MAP4K4: variants seen among roughly 807,000 people sequenced by gnomAD.
The protein encoded by MAP4K4 is mitogen-activated protein kinase kinase kinase kinase 4.
A neutral mutation model predicts 189.6 loss-of-function variants in MAP4K4; 38 were observed. The ratio of observed to expected loss-of-function variants is 0.20; its 90% CI spans 0.15 to 0.26. The LOEUF (loss-of-function observed/expected upper bound fraction) is 0.26. Among genes scored for constraint, MAP4K4 ranks in the 10% least tolerant of loss-of-function variants. The probability of loss-of-function intolerance (pLI) is 1.00; values close to 1 mark genes in which losing one functional copy is unlikely to be tolerated. For synonymous variants in MAP4K4, 610 were observed against 624.3 expected (o/e 0.98, Z 0.34); for missense variants, 1,054 against 1,726.9 (o/e 0.61, Z 6.91).
intron 20 of MAP4K4, 107 bp downstream of exon 20, chr2:101,867,416 A>G (rs1038870680): frequency 1.3e-6 from 1 of 783,630 alleles, no homozygotes; most frequent in Non-Finnish European, 2.1e-6. Flanking sequence ...AGGGCCCCTC[A>G]CAGATTTGAG....
chr2:101,724,113 C>G (rs963405516), intron 2 of MAP4K4, among the ~76,000 whole-genome samples: 7 of 152,082 alleles, frequency 4.6e-5, no homozygotes, highest in African/African-American at 1.7e-4. Flanking sequence ...TTACATGATA[C>G]TTATGGATGT....
chr2:101,754,001 A>C (rs975967341), intron 2 of MAP4K4, among the ~76,000 whole-genome samples: 1 of 152,152 alleles, frequency 6.6e-6, no homozygotes, highest in Non-Finnish European at 1.5e-5. Flanking sequence ...AGTTAAAGGA[A>C]GAGAAGGGGA....
chr2:101,840,058 G>A (rs2096870240), intron 10 of MAP4K4, 64 bp downstream of exon 10: 1 of 1,471,374 alleles, frequency 6.8e-7, no homozygotes, highest in African/African-American at 1.4e-5. Flanking sequence ...GCCAACTAGA[G>A]TAGGTCCCTC....
intron 2 of MAP4K4, among the ~76,000 whole-genome samples, chr2:101,770,710 A>G (rs1173525460): frequency 3.3e-5 from 5 of 152,190 alleles, no homozygotes; most frequent in African/African-American, 9.7e-5. Flanking sequence ...TCATGTCCCC[A>G]GTATTCTTGC....
chr2:101,871,713 T>C (rs1301123507), intron 24 of MAP4K4, 28 bp downstream of exon 24: 4 of 1,530,828 alleles, frequency 2.6e-6, no homozygotes, highest in Non-Finnish European at 3.5e-6. Context: ...GCTGGCTGCT[T>C]TCCTGGGGTT....
chr2:101,842,958 A>T (rs2096965337), intron 11 of MAP4K4, among the ~76,000 whole-genome samples: 2 of 152,160 alleles, frequency 1.3e-5, no homozygotes, highest in African/African-American at 4.8e-5. Flanking sequence ...GTGCCCCAGC[A>T]TTTATTGTTC....
chr2:101,717,244 T>C (rs952070450), intron 2 of MAP4K4, among the ~76,000 whole-genome samples: 2 of 152,186 alleles, frequency 1.3e-5, no homozygotes, highest in African/African-American at 4.8e-5. Context: ...AAGTCATGCA[T>C]ACCCAGCTGT....
intron 3 of MAP4K4, among the ~76,000 whole-genome samples, chr2:101,820,690 C>T (rs2095998278): frequency 6.6e-6 from 1 of 152,202 alleles, no homozygotes; most frequent in Non-Finnish European, 1.5e-5. Context: ...TTTCAGGAGC[C>T]TGCCTGTCTT....
At chr2:101,799,119 C>A (rs375987881) in intron 3 of MAP4K4, among the ~76,000 whole-genome samples, 2 of 152,098 alleles carry the variant, frequency 1.3e-5, no homozygotes, top group Admixed American at 6.6e-5. Flanking sequence ...AGTGTATGAG[C>A]CTCCTAGGCA....
At chr2:101,809,052 G>C (rs964021414) in intron 3 of MAP4K4, among the ~76,000 whole-genome samples, 3 of 152,132 alleles carry the variant, frequency 2.0e-5, no homozygotes, top group African/African-American at 7.2e-5. Flanking sequence ...AAATGAGTTT[G>C]TATTTATTTA....
chr2:101,801,288 T>C (rs1429075537), intron 3 of MAP4K4, among the ~76,000 whole-genome samples: 1 of 152,168 alleles, frequency 6.6e-6, no homozygotes, highest in African/African-American at 2.4e-5. Context: ...CTCTCCGCTG[T>C]GATTTATAGC....
At position 101,813,088 on chromosome 2, in the gene MAP4K4, C is replaced by T. The variant is rs138028014; in HGVS notation, c.181-10840C>T. 1.4e-3 allele frequency among the ~76,000 whole-genome samples: 207 copies of T among 152,032 alleles called. 1 individual carries two copies. Among genetic ancestry groups the T allele is most frequent in the African/African-American group, 4.5e-3 (188 of 41,448 alleles). On this transcript the variant is annotated intron_variant, in intron 3 of 32. Transcript: ENST00000324219. ...AGCTTGCAGTGAGCCAAGATAGTGC[C>T]GGCCTGGGTGAAAGAGCAAGATTTC...
chr2:101,749,311 G>T (rs6734418), intron 2 of MAP4K4, among the ~76,000 whole-genome samples: 1 of 149,828 alleles, frequency 6.7e-6, no homozygotes, highest in Non-Finnish European at 1.5e-5. Context: ...CCAAAACAGA[G>T]ATATAGATCA....
intron 29 of MAP4K4, among the ~76,000 whole-genome samples, chr2:101,886,075 A>C (rs185385898): frequency 1.5e-4 from 23 of 152,132 alleles, no homozygotes; most frequent in Admixed American, 1.3e-3. Context: ...AGCAGGATAG[A>C]TGGAGTCACA....
At chr2:101,719,555 G>GA (rs1217979491) in intron 2 of MAP4K4, among the ~76,000 whole-genome samples, 1 of 152,194 alleles carries the variant, frequency 6.6e-6, no homozygotes, top group African/African-American at 2.4e-5. Flanking sequence ...GAAAGAGGGG[G>GA]AAAGTGGGCA....
intron 2 of MAP4K4, among the ~76,000 whole-genome samples, chr2:101,724,601 C>T (rs2054162348): frequency 6.6e-6 from 1 of 152,238 alleles, no homozygotes; most frequent in African/African-American, 2.4e-5. Context: ...ATTTCTGCCA[C>T]ACTTTGCACA....
chr2:101,720,246 T>C (rs2051023313), intron 2 of MAP4K4, among the ~76,000 whole-genome samples: 1 of 150,948 alleles, frequency 6.6e-6, no homozygotes, highest in Non-Finnish European at 1.5e-5. Context: ...TGACCTCGGC[T>C]TGCTGCAACT....
At chr2:101,843,681 T>C (rs1429023521) in intron 11 of MAP4K4, among the ~76,000 whole-genome samples, 1 of 152,092 alleles carries the variant, frequency 6.6e-6, no homozygotes, top group Non-Finnish European at 1.5e-5. Context: ...GAGGGAATTA[T>C]GACAGGGCTT....
At chr2:101,850,332 A>C (rs767845561) in intron 12 of MAP4K4, among the ~76,000 whole-genome samples, 9 of 152,244 alleles carry the variant, frequency 5.9e-5, no homozygotes, top group Non-Finnish European at 8.8e-5. Flanking sequence ...TATTGATATT[A>C]AATTGTAACA....
Sources: gnomAD v4.1 joint callset for allele counts (sites outside exome capture counted in the v4.1 genomes callset) on GRCh38, gnomAD v4.1.1 for gene constraint, MANE v1.5 for transcripts, NCBI Gene and HGNC (gene_info 2026-07-23, HGNC 2026-07-21) for gene names.